Variants in UNC79 observed in about 807,000 individuals in gnomAD.
UNC79 encodes the protein unc-79 subunit of NALCN channel complex, also known as protein unc-79 homolog.
UNC79 carries 37 observed loss-of-function variants against 283.1 expected under a neutral mutation model. The ratio of observed to expected loss-of-function variants is 0.13; its 90% CI spans 0.10 to 0.17. The LOEUF is 0.17. Among genes scored for constraint, UNC79 ranks in the 10% least tolerant of loss-of-function variants. UNC79 has a pLI of 1.00. For synonymous variants in UNC79, 1,107 were observed against 1,200.2 expected, an observed-to-expected ratio of 0.92 and a Z score of 1.61; for missense variants, 2,272 against 3,211.1, an observed-to-expected ratio of 0.71 and a Z score of 7.07.
intron 22 of UNC79, among the ~76,000 whole-genome samples, chr14:93,592,335 C>T (rs1464692900): frequency 4.0e-5 from 6 of 151,754 alleles, no homozygotes; most frequent in Admixed American, 6.6e-5. Flanking sequence ...CCACCACGCC[C>T]GGCTAATTTT....
rs117193596 is a variant in UNC79 at position 93,633,947 on chromosome 14, T to C, written c.5716+3039T>C. On this transcript the variant is annotated intron_variant, in intron 31 of 48. Coordinates refer to ENST00000555664, the Ensembl canonical transcript of UNC79. Reference sequence around the variant, plus strand: ...AAAACAGCATTGACTTTGGAGTTGATATGTTTTGGTTTTAGGACCACCTCA... The same window carrying C: ...AAAACAGCATTGACTTTGGAGTTGACATGTTTTGGTTTTAGGACCACCTCA... Among the ~76,000 whole-genome samples, 150 of 152,282 alleles carry C rather than the reference T, an allele frequency of 9.9e-4. 1 individual carries two copies. The highest frequency in any genetic ancestry group is 1.7e-3 in the Non-Finnish European group (113 of 68,024).
intron 14 of UNC79, among the ~76,000 whole-genome samples, chr14:93,551,317 G>A (rs1271731082): frequency 6.6e-6 from 1 of 152,188 alleles, no homozygotes; most frequent in African/African-American, 2.4e-5. Context: ...CCAAAGTGCT[G>A]GGATTACAGG....
chr14:93,590,950 T>TAGC (rs556861973), intron 22 of UNC79, among the ~76,000 whole-genome samples: 44 of 152,356 alleles, frequency 2.9e-4, no homozygotes, highest in African/African-American at 9.4e-4. Flanking sequence ...ATGATGGTGG[T>TAGC]AGCAGCTTCA....
chr14:93,528,701 A>G (rs1278393293), intron 9 of UNC79, 55 bp downstream of exon 9: 3 of 1,538,902 alleles, frequency 1.9e-6, no homozygotes, highest in Non-Finnish European at 1.8e-6. Flanking sequence ...AGAAGATAAG[A>G]AAAATCATTT....
chr14:93,706,662 G>T (rs574388699), intron 48 of UNC79, 42 bp from the exon 52 acceptor site: 3 of 1,609,034 alleles, frequency 1.9e-6, no homozygotes, highest in Non-Finnish European at 2.6e-6. Flanking sequence ...TGGGTTGCCC[G>T]TGAAAAGAAA....
At chr14:93,542,555 G>A (rs1055074443) in exon 14 of UNC79, 29 of 1,614,214 alleles carry the variant, frequency 1.8e-5, no homozygotes, top group Non-Finnish European at 2.2e-5. Flanking sequence ...ACTCCACTGC[G>A]TATATGATGG....
exon 1 of UNC79, chr14:93,431,003 G>A (rs1177371631): frequency 1.4e-6 from 1 of 701,488 alleles, no homozygotes; most frequent in East Asian, 2.7e-5. Context: ...AGATTTTGGG[G>A]CAAAGCCTTT....
chr14:93,479,230 T>TCC (rs748565250), intron 4 of UNC79, among the ~76,000 whole-genome samples: 5 of 113,898 alleles, frequency 4.4e-5, no homozygotes, highest in Admixed American at 1.8e-4. Flanking sequence ...CTTCCTTCCT[T>TCC]TCCTTCCTTC....
chr14:93,402,729 G>A (rs1388640740), intron 1 of UNC79, among the ~76,000 whole-genome samples: 1 of 152,116 alleles, frequency 6.6e-6, no homozygotes, highest in Non-Finnish European at 1.5e-5. Context: ...AGTTCCAGAA[G>A]AAAAGGGAGG....
chr14:93,379,872 T>TA (rs559274027), intron 1 of UNC79, among the ~76,000 whole-genome samples: 2 of 152,032 alleles, frequency 1.3e-5, no homozygotes, highest in South Asian at 2.1e-4. Flanking sequence ...ATAAAAATAA[T>TA]AAAAAAATTT....
chr14:93,575,741 A>G (rs1264395382), intron 17 of UNC79, among the ~76,000 whole-genome samples: 1 of 152,114 alleles, frequency 6.6e-6, no homozygotes, highest in Non-Finnish European at 1.5e-5. Flanking sequence ...AGCTTTGGTT[A>G]TTTTTCTATG....
At chr14:93,493,901 ATTTTTT>A (rs71129642) in intron 5 of UNC79, among the ~76,000 whole-genome samples, 18 of 49,254 alleles carry the variant, frequency 3.7e-4, no homozygotes, top group East Asian at 1.5e-3. Context: ...ATATATATAT[ATTTTTT>A]TTTTTTTTTT....
intron 1 of UNC79, among the ~76,000 whole-genome samples, chr14:93,447,503 A>T (rs958375748): frequency 6.6e-6 from 1 of 152,132 alleles, no homozygotes; most frequent in Non-Finnish European, 1.5e-5. Flanking sequence ...TTACATGGTT[A>T]ATAAAGAAAT....
At chr14:93,390,419 T>C (rs1214348461) in intron 1 of UNC79, among the ~76,000 whole-genome samples, 1 of 152,188 alleles carries the variant, frequency 6.6e-6, no homozygotes, top group East Asian at 1.9e-4. Flanking sequence ...AGGACAAGGA[T>C]GCCTACTCTA....
intron 12 of UNC79, 102 bp from the exon 13 acceptor site, chr14:93,540,558 T>A: frequency 7.7e-7 from 1 of 1,306,234 alleles, no homozygotes; most frequent in Non-Finnish European, 1.0e-6. Context: ...AGAAGAGCAA[T>A]CCAGGATGCT....
intron 19 of UNC79, 123 bp downstream of exon 19, chr14:93,580,499 GT>G: frequency 9.8e-7 from 1 of 1,016,352 alleles, no homozygotes; most frequent in Non-Finnish European, 1.4e-6. Context: ...GTGAGACTGT[GT>G]TAAAAGAAAC....
chr14:93,347,089 G>T (rs932706556), intron 1 of UNC79: 9 of 587,870 alleles, frequency 1.5e-5, no homozygotes, highest in Non-Finnish European at 2.0e-5. Context: ...GTGAGCGGAA[G>T]AGGCGGGGCA....
At position 93,621,863 on chromosome 14, in the gene UNC79, G is replaced by A; in HGVS notation, c.4630G>A (p.Asp1544Asn). 1 of 1,614,012 alleles carries A rather than the reference G, an allele frequency of 6.2e-7. No homozygotes were observed. Among genetic ancestry groups the A allele is most frequent in the Non-Finnish European group, 8.5e-7 (1 of 1,179,998 alleles). The change falls in exon 30 of 49, where the codon GAC (aspartate) becomes AAC (asparagine). Residue 1544 changes from aspartate (D) to asparagine (N), a missense_variant. This residue lies in a region of UNC79 where 580 missense variants were observed against 632.2 expected (regional missense o/e 0.92). Coordinates refer to ENST00000555664, the Ensembl canonical transcript of UNC79. This position sits in a 1 kb window ranked among gnomAD's most constrained non-coding sequence, Gnocchi z 4.8. ...TGCGTATATCGCACAAAGACCAAAC[G>A]ACCCTGGACGTTCTAGACAGAACTC... is the stretch of plus-strand genomic sequence containing the variant.
At chr14:93,350,467 A>C (rs868453527) in intron 1 of UNC79, among the ~76,000 whole-genome samples, 4 of 152,166 alleles carry the variant, frequency 2.6e-5, no homozygotes, top group Non-Finnish European at 4.4e-5. Context: ...ACAAGTAAGA[A>C]AGTAAAAAAT....
Sources: gnomAD v4.1 joint callset for allele counts (sites outside exome capture counted in the v4.1 genomes callset) on GRCh38, gnomAD v4.1.1 for gene constraint, gnomAD v4.1.1 regional missense constraint, Gnocchi (gnomAD v3.1) non-coding constraint, MANE v1.5 for transcripts, NCBI Gene and HGNC (gene_info 2026-07-23, HGNC 2026-07-21) for gene names.